CTNND2: variants seen among roughly 807,000 people sequenced by gnomAD.
CTNND2 encodes catenin delta-2.
In CTNND2, 22 loss-of-function variants were observed where a neutral mutation model predicts 144.4. That is an observed-to-expected ratio of 0.15 (90% CI 0.11 to 0.22). The LOEUF is 0.22. CTNND2 is among the 10% of genes least tolerant of loss of function. CTNND2 has a pLI of 1.00. For synonymous variants in CTNND2, 751 were observed against 695.6 expected (o/e 1.08, Z -1.25); for missense variants, 1,353 against 1,618.8 (o/e 0.84, Z 2.82).
Position 11,411,025 on chromosome 5 carries a change from C to G in CTNND2, c.439+511G>C, listed in dbSNP as rs147942207. On this transcript the variant is annotated intron_variant, in intron 5 of 21. Coordinates refer to ENST00000304623, the MANE Select transcript of CTNND2 (RefSeq NM_001332.4). ...TAGCTGGGACTATAGGCACGCACCA[C>G]CATGCCTGGCTAGTTTTTTTGTAGT... Among the ~76,000 whole-genome samples the G allele has an allele frequency of 4.1e-3, 628 of 152,114 alleles. 6 individuals are homozygous for G. The highest frequency in any genetic ancestry group is 0.013 in the African/African-American group (548 of 41,500).
intron 8 of CTNND2, among the ~76,000 whole-genome samples, chr5:11,359,855 G>T (rs1012199943): frequency 6.6e-6 from 1 of 152,170 alleles, no homozygotes; most frequent in African/African-American, 2.4e-5. Flanking sequence ...TTGGGTGATG[G>T]CATGCCTGTT....
intron 1 of CTNND2, among the ~76,000 whole-genome samples, chr5:11,824,998 C>A (rs1192467513): frequency 4.6e-5 from 7 of 152,176 alleles, no homozygotes; most frequent in African/African-American, 1.7e-4. Flanking sequence ...AGCTAAACTA[C>A]TGGATTATTG....
At chr5:11,012,739 G>T (rs1434555565) in intron 18 of CTNND2, among the ~76,000 whole-genome samples, 1 of 152,186 alleles carries the variant, frequency 6.6e-6, no homozygotes, top group African/African-American at 2.4e-5. Context: ...CCAAATTGTA[G>T]GATGAGCCTT....
At chr5:11,631,120 T>C (rs1435843881) in intron 2 of CTNND2, among the ~76,000 whole-genome samples, 1 of 152,132 alleles carries the variant, frequency 6.6e-6, no homozygotes, top group African/African-American at 2.4e-5. Context: ...GAAAAGAAAG[T>C]CCATTCAATA....
At chr5:11,891,138 A>C (rs1736925688) in intron 1 of CTNND2, among the ~76,000 whole-genome samples, 1 of 152,202 alleles carries the variant, frequency 6.6e-6, no homozygotes, top group Admixed American at 6.5e-5. Context: ...TTTGAAAAAT[A>C]CACTTAAAAA....
At chr5:11,285,147 C>T (rs1237457967) in intron 9 of CTNND2, among the ~76,000 whole-genome samples, 2 of 152,202 alleles carry the variant, frequency 1.3e-5, no homozygotes, top group Non-Finnish European at 2.9e-5. Context: ...CACAATACTC[C>T]AGGTTATATC....
In CTNND2 at chr5:11,055,148, T is replaced by C. The variant is rs527277339; in HGVS notation, c.2788+27548A>G. On this transcript the variant is annotated intron_variant, in intron 16 of 21. Coordinates refer to ENST00000304623, the MANE Select transcript of CTNND2 (RefSeq NM_001332.4). ...GAGAAGGTAGAGTTAAGGACGTAGG[T>C]ACTGAATGAACCAGGGTTAAGGACG... 2.0e-5 allele frequency among the ~76,000 whole-genome samples: 3 copies of C among 152,220 alleles called. No individual in the cohort carries two copies. The East Asian group carries it at 5.8e-4, about 29-fold the overall frequency.
chr5:11,452,178 G>C (rs754646951), intron 3 of CTNND2, among the ~76,000 whole-genome samples: 3 of 152,196 alleles, frequency 2.0e-5, no homozygotes, highest in Non-Finnish European at 4.4e-5. Flanking sequence ...TGCAAAGTCA[G>C]GCTACTGAAC....
chr5:11,142,608 C>CTTTT (rs955587756), intron 12 of CTNND2, among the ~76,000 whole-genome samples: 5 of 133,286 alleles, frequency 3.8e-5, no homozygotes, highest in African/African-American at 5.5e-5. Flanking sequence ...AATTTAAACT[C>CTTTT]TTTTTTTTTT....
At chr5:11,755,510 T>C (rs1354984629) in intron 1 of CTNND2, among the ~76,000 whole-genome samples, 1 of 151,768 alleles carries the variant, frequency 6.6e-6, no homozygotes, top group Non-Finnish European at 1.5e-5. Context: ...AGGAAAGTTT[T>C]CAGGGAAGAT....
At chr5:11,066,730 C>T (rs1205713381) in intron 16 of CTNND2, among the ~76,000 whole-genome samples, 2 of 152,084 alleles carry the variant, frequency 1.3e-5, no homozygotes, top group South Asian at 2.1e-4. Flanking sequence ...AGACCAACAG[C>T]GAGACTCAGT....
intron 2 of CTNND2, among the ~76,000 whole-genome samples, chr5:11,701,033 C>T (rs1785409578): frequency 6.6e-6 from 1 of 152,176 alleles, no homozygotes; most frequent in African/African-American, 2.4e-5. Context: ...CAGATGCTCA[C>T]TTTGGTTAAA....
chr5:11,417,300 C>CA (rs1424145798), intron 3 of CTNND2, among the ~76,000 whole-genome samples: 1 of 152,088 alleles, frequency 6.6e-6, no homozygotes, highest in African/African-American at 2.4e-5. Flanking sequence ...ACCACTATTC[C>CA]AGTCATACAT....
intron 1 of CTNND2, among the ~76,000 whole-genome samples, chr5:11,768,695 C>T (rs1048307298): frequency 3.3e-5 from 5 of 152,212 alleles, no homozygotes; most frequent in African/African-American, 4.8e-5. Context: ...TGATCACATA[C>T]TATCCCATGC....
chr5:11,544,936 A>G (rs6866452), intron 3 of CTNND2, among the ~76,000 whole-genome samples: 136,245 of 151,938 alleles, frequency 0.9, 61,226 homozygotes, highest in African/African-American at 0.94. Context: ...GACAAACACC[A>G]TGAAACCCCA....
At chr5:11,428,306 C>T (rs1762977545) in intron 3 of CTNND2, among the ~76,000 whole-genome samples, 1 of 152,164 alleles carries the variant, frequency 6.6e-6, no homozygotes, top group South Asian at 2.1e-4. Context: ...CAAAAGCCTT[C>T]AGTGGTTTTT....
chr5:11,572,923 G>C (rs1256182052), intron 2 of CTNND2, among the ~76,000 whole-genome samples: 1 of 152,194 alleles, frequency 6.6e-6, no homozygotes, highest in African/African-American at 2.4e-5. Context: ...CCACTCAAGT[G>C]CTCTGAAGTA....
intron 8 of CTNND2, among the ~76,000 whole-genome samples, chr5:11,354,743 C>T (rs956533969): frequency 5.3e-5 from 8 of 152,130 alleles, no homozygotes; most frequent in African/African-American, 1.9e-4. Flanking sequence ...ACGCTCCAGA[C>T]CAAAGGGACC....
chr5:11,119,761 C>T (rs776911271), intron 12 of CTNND2, among the ~76,000 whole-genome samples: 2 of 152,196 alleles, frequency 1.3e-5, no homozygotes, highest in African/African-American at 2.4e-5. Flanking sequence ...GGCAAGTTAG[C>T]ATTTCCAAAT....
Sources: allele counts gnomAD v4.1 joint callset (sites outside exome capture counted in the v4.1 genomes callset), GRCh38; gene constraint gnomAD v4.1.1; transcripts MANE v1.5; gene names NCBI Gene and HGNC (gene_info 2026-07-23, HGNC 2026-07-21).